Variants in ASIC2 observed in about 807,000 individuals in gnomAD.
ASIC2 encodes the protein acid-sensing ion channel 2.
A neutral mutation model predicts 57.3 loss-of-function variants in ASIC2; 25 were observed. The ratio of observed to expected loss-of-function variants is 0.44; its 90% CI spans 0.32 to 0.61. The LOEUF (loss-of-function observed/expected upper bound fraction) is 0.61, where lower values mean the gene tolerates loss of function less well. Ranked by LOEUF, ASIC2 falls within the 20% of genes least tolerant of loss-of-function variation. The pLI is 0.06. For missense variants in ASIC2, 641 were observed against 738.1 expected, an observed-to-expected ratio of 0.87 and a Z score of 1.52; for synonymous variants, 319 against 307.5, an observed-to-expected ratio of 1.04 and a Z score of -0.39.
chr17:33,865,106 G>A (rs910239515), intron 1 of ASIC2, among the ~76,000 whole-genome samples: 4 of 152,170 alleles, frequency 2.6e-5, no homozygotes, highest in African/African-American at 9.7e-5. Context: ...ATATTGCCTA[G>A]CAACTGAAGA....
chr17:34,082,963 A>G (rs1259428245), intron 1 of ASIC2, among the ~76,000 whole-genome samples: 2 of 152,004 alleles, frequency 1.3e-5, no homozygotes, highest in South Asian at 2.1e-4. Context: ...CTTTCTTTGT[A>G]TAGTCCATAC....
At chr17:33,734,224 G>A (rs996978632) in intron 1 of ASIC2, among the ~76,000 whole-genome samples, 6 of 149,692 alleles carry the variant, frequency 4.0e-5, no homozygotes, top group Admixed American at 2.7e-4. Flanking sequence ...CCATGCTCCC[G>A]TCCAAGACTA....
At chr17:33,617,850 C>T (rs528390600) in intron 1 of ASIC2, among the ~76,000 whole-genome samples, 14 of 152,184 alleles carry the variant, frequency 9.2e-5, no homozygotes, top group Admixed American at 5.2e-4. Context: ...TCAATAATTA[C>T]GTGTTTATAA....
At chr17:33,615,975 A>G (rs1317604040) in intron 1 of ASIC2, among the ~76,000 whole-genome samples, 1 of 152,236 alleles carries the variant, frequency 6.6e-6, no homozygotes, top group Admixed American at 6.5e-5. Flanking sequence ...TGAGTTTACA[A>G]AAGAGATTAG....
chr17:33,546,669 C>T (rs747242133), intron 1 of ASIC2, among the ~76,000 whole-genome samples: 22 of 152,172 alleles, frequency 1.4e-4, no homozygotes, highest in Non-Finnish European at 2.8e-4. Flanking sequence ...TGCCAAGTGC[C>T]TTCCTGAGTC....
intron 1 of ASIC2, among the ~76,000 whole-genome samples, chr17:33,313,755 T>A (rs773290683): frequency 6.6e-5 from 10 of 152,124 alleles, no homozygotes; most frequent in Non-Finnish European, 1.0e-4. Flanking sequence ...ACATGCCGTT[T>A]GAAGAATTCC....
chr17:33,312,405 T>C (rs1289951116), intron 1 of ASIC2, among the ~76,000 whole-genome samples: 1 of 152,148 alleles, frequency 6.6e-6, no homozygotes, highest in Non-Finnish European at 1.5e-5. Flanking sequence ...TTCTGCCAAA[T>C]GTAGTCTGTT....
intron 1 of ASIC2, among the ~76,000 whole-genome samples, chr17:33,212,458 C>T (rs1004202052): frequency 5.3e-5 from 8 of 152,164 alleles, no homozygotes; most frequent in Non-Finnish European, 4.4e-5. Context: ...CAGAAGGGGC[C>T]AGCCCTGCTC....
At chr17:33,355,309 T>C (rs1422487751) in intron 1 of ASIC2, among the ~76,000 whole-genome samples, 1 of 152,118 alleles carries the variant, frequency 6.6e-6, no homozygotes, top group African/African-American at 2.4e-5. Flanking sequence ...CACTCCAGCG[T>C]GGACAACACA....
At chr17:33,327,780 G>A (rs1180324707) in intron 1 of ASIC2, among the ~76,000 whole-genome samples, 2 of 152,162 alleles carry the variant, frequency 1.3e-5, no homozygotes, top group Admixed American at 6.5e-5. Flanking sequence ...CAGTAGCTGC[G>A]AATGTGACCT....
chr17:34,129,192 T>C (rs1252563000), intron 1 of ASIC2, among the ~76,000 whole-genome samples: 1 of 152,172 alleles, frequency 6.6e-6, no homozygotes, highest in African/African-American at 2.4e-5. Context: ...TGATGTCCTT[T>C]ATCCCATTTA....
chr17:34,047,975 T>C (rs532856455), intron 1 of ASIC2, among the ~76,000 whole-genome samples: 1 of 152,324 alleles, frequency 6.6e-6, no homozygotes, highest in African/African-American at 2.4e-5. Context: ...CTCCACACCA[T>C]ATCCTCAATA....
intron 1 of ASIC2, among the ~76,000 whole-genome samples, chr17:33,476,995 A>AGTGTGTGTATACTATGTATATGTGT (rs1340494497): frequency 6.6e-6 from 1 of 152,044 alleles, no homozygotes; most frequent in Non-Finnish European, 1.5e-5. Context: ...ATATAATCTC[A>AGTGTGTGTATACTATGTATATGTGT]GTGTGTGTAT....
At chr17:33,612,069 A>T (rs565151185) in intron 1 of ASIC2, among the ~76,000 whole-genome samples, 13 of 152,322 alleles carry the variant, frequency 8.5e-5, no homozygotes, top group African/African-American at 3.1e-4. Context: ...GCTTAAAGGC[A>T]ATGAAACAGA....
At chr17:33,853,403 A>C (rs77652790) in intron 1 of ASIC2, among the ~76,000 whole-genome samples, 1 of 152,204 alleles carries the variant, frequency 6.6e-6, no homozygotes, top group Admixed American at 6.5e-5. Context: ...GCACACATGC[A>C]TTGATTCATT....
At chr17:33,899,456 G>A (rs948012986) in intron 1 of ASIC2, among the ~76,000 whole-genome samples, 1 of 152,112 alleles carries the variant, frequency 6.6e-6, no homozygotes, top group Non-Finnish European at 1.5e-5. Flanking sequence ...GGGCAATACC[G>A]CCAGAGGGTG....
chr17:33,638,185 A>T (rs189680111), intron 1 of ASIC2, among the ~76,000 whole-genome samples: 1 of 152,338 alleles, frequency 6.6e-6, no homozygotes, highest in Admixed American at 6.5e-5. Context: ...TCTGTCTATC[A>T]TTTAACTATA....
chr17:33,426,194 T>C (rs1365877930), intron 1 of ASIC2, among the ~76,000 whole-genome samples: 1 of 152,178 alleles, frequency 6.6e-6, no homozygotes. Flanking sequence ...GGAACACAGA[T>C]CATGGAAGAA....
chr17:33,078,091 G>A (rs1001640491), intron 3 of ASIC2, among the ~76,000 whole-genome samples: 13 of 152,128 alleles, frequency 8.5e-5, no homozygotes, highest in Non-Finnish European at 1.8e-4. Flanking sequence ...ACCAACCAAA[G>A]CATGGTCTGA....
Sources: gnomAD v4.1 joint callset for allele counts (sites outside exome capture counted in the v4.1 genomes callset) on GRCh38, gnomAD v4.1.1 for gene constraint, MANE v1.5 for transcripts, NCBI Gene and HGNC (gene_info 2026-07-23, HGNC 2026-07-21) for gene names.